Variants in STARD13 observed in about 807,000 individuals in gnomAD.
STARD13 encodes StAR related lipid transfer domain containing 13.
Under a neutral mutation model 106.4 loss-of-function variants are expected in STARD13, and 62 were observed. That is an observed-to-expected ratio of 0.58 (90% CI 0.48 to 0.72). The LOEUF is 0.72. STARD13 is among the 30% of genes least tolerant of loss of function. The probability of loss-of-function intolerance (pLI) is 0.00; values close to 1 mark genes in which losing one functional copy is unlikely to be tolerated. For missense variants in STARD13, 1,387 were observed against 1,424.0 expected (o/e 0.97, Z 0.42); for synonymous variants, 565 against 553.0 (o/e 1.02, Z -0.31).
the STARD13 span, among the ~76,000 whole-genome samples, chr13:33,441,493 G>T: frequency 3.3e-4 from 50 of 152,254 alleles, no homozygotes; most frequent in Admixed American, 7.2e-4. Context: ...ATTTCTCTAA[G>T]CCTCATTTCC....
intron 1 of STARD13, among the ~76,000 whole-genome samples, chr13:33,204,239 C>G (rs1031042529): frequency 6.6e-6 from 1 of 152,198 alleles, no homozygotes; most frequent in Non-Finnish European, 1.5e-5. Context: ...GCAGAACATA[C>G]TGGTTGGCAT....
the STARD13 span, among the ~76,000 whole-genome samples, chr13:33,544,053 G>A: frequency 3.6e-4 from 55 of 152,050 alleles, no homozygotes; most frequent in Admixed American, 3.5e-3. Flanking sequence ...TGTGATAGAG[G>A]GTGCTGTAAT....
chr13:33,470,694 A>G, the STARD13 span, among the ~76,000 whole-genome samples: 3 of 151,982 alleles, frequency 2.0e-5, no homozygotes, highest in African/African-American at 7.2e-5. Context: ...GCCTTTTTTC[A>G]TATGTTTGTT....
chr13:33,592,566 C>G, the STARD13 span, among the ~76,000 whole-genome samples: 3 of 152,222 alleles, frequency 2.0e-5, no homozygotes, highest in African/African-American at 2.4e-5. Flanking sequence ...AAGATACAGT[C>G]TTACACAATG....
chr13:33,185,978 G>A (rs1213143746), intron 1 of STARD13: 1 of 1,614,160 alleles, frequency 6.2e-7, no homozygotes, highest in South Asian at 1.1e-5. Flanking sequence ...ACCACAAAGG[G>A]GCCTGGTTAA....
intron 1 of STARD13, among the ~76,000 whole-genome samples, chr13:33,221,168 A>G (rs1294592611): frequency 6.6e-6 from 1 of 152,178 alleles, no homozygotes; most frequent in Non-Finnish European, 1.5e-5. Context: ...TTAAATATAT[A>G]TTTATGCAAC....
At chr13:33,399,646 A>G in the STARD13 span, among the ~76,000 whole-genome samples, 4 of 141,146 alleles carry the variant, frequency 2.8e-5, no homozygotes, top group Non-Finnish European at 4.5e-5. Context: ...GGTGGCAGTG[A>G]GCCGAGACTT....
chr13:33,622,806 G>C, the STARD13 span, among the ~76,000 whole-genome samples: 4 of 151,796 alleles, frequency 2.6e-5, no homozygotes, highest in African/African-American at 7.3e-5. Flanking sequence ...TGTAGTCCCA[G>C]CTACTCGGGA....
the STARD13 span, among the ~76,000 whole-genome samples, chr13:33,673,558 T>G: frequency 2.6e-5 from 4 of 151,046 alleles, no homozygotes; most frequent in Non-Finnish European, 5.9e-5. Flanking sequence ...CTCTTTTTTT[T>G]TTTGAGACAG....
rs549036673 is a variant in STARD13, at chr13:33,125,168, C to T, written c.2082+913G>A. 1.8e-4 allele frequency among the ~76,000 whole-genome samples: 27 copies of T among 152,276 alleles called. No individual in the cohort carries two copies. In the South Asian group the frequency reaches 5.0e-3, roughly 28 times the overall value. On this transcript the variant is annotated intron_variant, in intron 7 of 13. Transcript: ENST00000336934. ...ACAAGCATCACTAGCCAGCTCATTCCTGCCCACTGAGCCCAAGGACCAGGG... is the reference window on the plus strand; with the variant it reads ...ACAAGCATCACTAGCCAGCTCATTCTTGCCCACTGAGCCCAAGGACCAGGG...
the STARD13 span, among the ~76,000 whole-genome samples, chr13:33,436,485 T>C: frequency 3.3e-5 from 5 of 152,348 alleles, no homozygotes; most frequent in Non-Finnish European, 7.3e-5. Context: ...AGTATGTGTA[T>C]ATTTAGGTAT....
At chr13:33,305,214 AGACT>A (rs1194708867) in intron 1 of STARD13, among the ~76,000 whole-genome samples, 3 of 152,220 alleles carry the variant, frequency 2.0e-5, no homozygotes, top group African/African-American at 7.2e-5. Flanking sequence ...AAATTAATCA[AGACT>A]GCCAGGTAGG....
chr13:33,608,827 C>T, the STARD13 span, among the ~76,000 whole-genome samples: 1 of 152,176 alleles, frequency 6.6e-6, no homozygotes, highest in Non-Finnish European at 1.5e-5. Flanking sequence ...TGGCTCACGC[C>T]TGTAATCCCA....
In STARD13 at chr13:33,142,303, C is replaced by G; in HGVS notation, c.387+7G>C. ...AGCCACATTCTTATTAAGGTGTGGG[C>G]ACCTACCTTTTTCCTTTGGAAGTTC... is the stretch of plus-strand genomic sequence containing the variant. On this transcript the variant is annotated splice_region_variant and intron_variant, in intron 4 of 13. Transcript: ENST00000336934. 1 of 1,612,216 alleles carries G rather than the reference C, an allele frequency of 6.2e-7. No homozygotes were observed. Among genetic ancestry groups the G allele is most frequent in the Non-Finnish European group, 8.5e-7 (1 of 1,178,306 alleles).
the STARD13 span, among the ~76,000 whole-genome samples, chr13:33,664,223 G>A: frequency 1.3e-5 from 2 of 152,182 alleles, no homozygotes; most frequent in Admixed American, 1.3e-4. Flanking sequence ...TGCTCGGGGA[G>A]GCTCTTTTCA....
chr13:33,353,232 C>A (rs2078096195), upstream of STARD13, among the ~76,000 whole-genome samples: 1 of 152,176 alleles, frequency 6.6e-6, no homozygotes. Flanking sequence ...ACCCTGTGTC[C>A]CTGGGAAGAG....
At chr13:33,346,299 C>T (rs1476391960), downstream of STARD13, among the ~76,000 whole-genome samples, 1 of 152,154 alleles carries the variant, frequency 6.6e-6, no homozygotes, top group Non-Finnish European at 1.5e-5. Context: ...AAGACAAAAC[C>T]ACCCAGCTAA....
At chr13:33,346,806 A>AT (rs796619597), downstream of STARD13, among the ~76,000 whole-genome samples, 2,311 of 140,966 alleles carry the variant, frequency 0.016, 60 homozygotes, top group African/African-American at 0.054. Flanking sequence ...ATTTTTTTGT[A>AT]TTTTTTTTTT....
the STARD13 span, among the ~76,000 whole-genome samples, chr13:33,596,719 A>G: frequency 2.6e-5 from 4 of 152,148 alleles, no homozygotes; most frequent in African/African-American, 4.8e-5. Flanking sequence ...TCTGATAACC[A>G]TAATTCTACC....
Sources: gnomAD v4.1 joint callset for allele counts (sites outside exome capture counted in the v4.1 genomes callset) on GRCh38, gnomAD v4.1.1 for gene constraint, MANE v1.5 for transcripts, NCBI Gene and HGNC (gene_info 2026-07-23, HGNC 2026-07-21) for gene names.